ARID1B: variants seen among roughly 807,000 people sequenced by gnomAD.
ARID1B encodes the protein AT-rich interactive domain-containing protein 1B.
In ARID1B, 30 loss-of-function variants were observed where a neutral mutation model predicts 212.3. The ratio of observed to expected loss-of-function variants is 0.14; its 90% CI spans 0.11 to 0.19. The LOEUF (loss-of-function observed/expected upper bound fraction) is 0.19. ARID1B is among the 10% of genes least tolerant of loss of function. The probability of loss-of-function intolerance (pLI) is 1.00; values close to 1 mark genes in which losing one functional copy is unlikely to be tolerated. For missense variants in ARID1B, 2,891 were observed against 3,204.0 expected (o/e 0.90, Z 2.36); for synonymous variants, 1,402 against 1,301.7 (o/e 1.08, Z -1.66).
intron 4 of ARID1B, among the ~76,000 whole-genome samples, chr6:157,025,946 G>A (rs550382782): frequency 6.6e-6 from 1 of 151,080 alleles, no homozygotes; most frequent in South Asian, 2.1e-4. Context: ...TTTTTTTGAG[G>A]TGGAGTCTCG....
chr6:156,828,869 T>C (rs1362711440), intron 1 of ARID1B, among the ~76,000 whole-genome samples: 2 of 152,236 alleles, frequency 1.3e-5, no homozygotes, highest in Non-Finnish European at 2.9e-5. Context: ...CTGCTCTTAT[T>C]ACTAGTAAGC....
At chr6:157,202,276 A>C (rs936429771) in intron 18 of ARID1B, among the ~76,000 whole-genome samples, 13 of 152,256 alleles carry the variant, frequency 8.5e-5, no homozygotes, top group African/African-American at 3.1e-4. Context: ...TTATTTTTGA[A>C]GTACTTTTAA....
intron 4 of ARID1B, among the ~76,000 whole-genome samples, chr6:157,035,362 A>T (rs962629813): frequency 6.6e-6 from 1 of 152,238 alleles, no homozygotes; most frequent in African/African-American, 2.4e-5. Context: ...ACAGTATTTA[A>T]GATTCAGCAT....
rs71027314 is a variant in ARID1B, at chr6:156,812,933, GGTGTGTGTGTGTGTGTGTGTGTGT to G, written c.1792-16273_1792-16250del. The stretch of plus-strand genomic sequence containing the variant: ...TTCCAAATAGAAAATTATAATCCTG[GGTGTGTGTGTGTGTGTGTGTGTGT>G]GTGTGTGTGTGTGTGTGTGTATGTA... On this transcript the variant is annotated intron_variant, in intron 1 of 19. Transcript: ENST00000636930. 7.8e-5 allele frequency among the ~76,000 whole-genome samples: 7 copies of G among 89,442 alleles called. 1 individual carries two copies. Among genetic ancestry groups the G allele is most frequent in the African/African-American group, 2.6e-4 (7 of 26,568 alleles). 58.7% of individuals were successfully genotyped at this position (89,442 alleles called of 152,430 possible). A position where few individuals can be genotyped will look rare whatever the true frequency, so the allele number is the denominator to read the frequency against.
At chr6:156,840,941 G>C (rs1358171724) in intron 2 of ARID1B, among the ~76,000 whole-genome samples, 2 of 152,208 alleles carry the variant, frequency 1.3e-5, no homozygotes, top group African/African-American at 4.8e-5. Flanking sequence ...GTTGGATTTG[G>C]TGTACCTGTG....
chr6:157,093,070 G>A (rs1041869112), intron 5 of ARID1B, among the ~76,000 whole-genome samples: 3 of 152,228 alleles, frequency 2.0e-5, no homozygotes, highest in Admixed American at 6.5e-5. Flanking sequence ...GCATTGACCC[G>A]CTGCCTTCTC....
rs1324718462 is a variant in ARID1B at position 157,167,191 on chromosome 6, CT to C, written c.3235+8del. 1 of 1,603,424 alleles carries C rather than the reference CT, an allele frequency of 6.2e-7. No individual in the cohort carries two copies. Among genetic ancestry groups the C allele is most frequent in the African/African-American group, 1.3e-5 (1 of 74,808 alleles). On this transcript the variant is annotated splice_region_variant and intron_variant, in intron 9 of 19. Transcript: ENST00000636930. The stretch of plus-strand genomic sequence containing the variant: ...CATGGTGAACAGCTCGGCAGGTAAC[CT>C]TGGCAGCTCTGCGCTCCTGAGCCCC...
At chr6:157,157,249 G>A (rs971258910) in intron 8 of ARID1B, among the ~76,000 whole-genome samples, 34 of 151,982 alleles carry the variant, frequency 2.2e-4, no homozygotes, top group East Asian at 1.9e-4. Flanking sequence ...TTAACATCCC[G>A]CCCCCATAGA....
chr6:157,052,244 T>C (rs1303094577), intron 4 of ARID1B, among the ~76,000 whole-genome samples: 3 of 152,240 alleles, frequency 2.0e-5, no homozygotes, highest in African/African-American at 7.2e-5. Context: ...TTGAATTATC[T>C]CTAGACAGTC....
At chr6:157,163,131 C>T (rs763025828) in intron 8 of ARID1B, among the ~76,000 whole-genome samples, 8 of 152,142 alleles carry the variant, frequency 5.3e-5, no homozygotes, top group Non-Finnish European at 1.2e-4. Context: ...CTTAACACTC[C>T]TAATTCATTT....
At chr6:157,022,301 C>T (rs1241368954) in intron 4 of ARID1B, 4 of 152,264 alleles carry the variant, frequency 2.6e-5, no homozygotes, top group Admixed American at 6.5e-5. Context: ...ATAGCTGCTT[C>T]TTGGAGCCAA....
intron 3 of ARID1B, among the ~76,000 whole-genome samples, chr6:156,925,696 C>T (rs1289410744): frequency 6.6e-6 from 1 of 152,036 alleles, no homozygotes; most frequent in East Asian, 1.9e-4. Context: ...AAAGCATTTG[C>T]AGTTTAGACA....
chr6:156,866,045 G>A (rs1190591330), intron 2 of ARID1B, among the ~76,000 whole-genome samples: 3 of 152,168 alleles, frequency 2.0e-5, no homozygotes, highest in Non-Finnish European at 4.4e-5. Context: ...TTCATCATAA[G>A]AACTACTGTG....
intron 2 of ARID1B, among the ~76,000 whole-genome samples, chr6:156,844,722 C>G (rs1784113322): frequency 6.6e-6 from 1 of 152,158 alleles, no homozygotes; most frequent in African/African-American, 2.4e-5. Context: ...CCTTTTCCCT[C>G]TATCATCTTT....
At chr6:157,055,923 G>A (rs900472122) in intron 4 of ARID1B, among the ~76,000 whole-genome samples, 8 of 152,100 alleles carry the variant, frequency 5.3e-5, no homozygotes, top group South Asian at 2.1e-4. Flanking sequence ...CTGCAGTTCC[G>A]TGCCTGTCTC....
At chr6:157,078,910 A>C (rs551929551) in intron 4 of ARID1B, among the ~76,000 whole-genome samples, 1 of 152,314 alleles carries the variant, frequency 6.6e-6, no homozygotes, top group East Asian at 1.9e-4. Context: ...GTCACCCAAA[A>C]GTAGTTCTTG....
At chr6:156,953,239 G>A (rs1325819623) in intron 4 of ARID1B, among the ~76,000 whole-genome samples, 1 of 152,174 alleles carries the variant, frequency 6.6e-6, no homozygotes, top group Non-Finnish European at 1.5e-5. Flanking sequence ...TAGAATGGAC[G>A]GCTGCCCTCT....
intron 4 of ARID1B, among the ~76,000 whole-genome samples, chr6:157,074,308 C>G (rs1784178167): frequency 6.6e-6 from 1 of 152,128 alleles, no homozygotes; most frequent in Non-Finnish European, 1.5e-5. Context: ...CTCACTGCAA[C>G]CTCAGCCTCC....
intron 3 of ARID1B, among the ~76,000 whole-genome samples, chr6:156,906,591 A>G (rs1180043788): frequency 6.7e-6 from 1 of 150,166 alleles, no homozygotes; most frequent in African/African-American, 2.5e-5. Flanking sequence ...AGCCACTTAG[A>G]AAAAGAAGCG....
Sources: gnomAD v4.1 joint callset for allele counts (sites outside exome capture counted in the v4.1 genomes callset) on GRCh38, gnomAD v4.1.1 for gene constraint, MANE v1.5 for transcripts, NCBI Gene and HGNC (gene_info 2026-07-23, HGNC 2026-07-21) for gene names.